The following HSPG2 variants were observed in gnomAD, a reference collection of about 807,000 sequenced individuals.
HSPG2 encodes basement membrane-specific heparan sulfate proteoglycan core protein.
Under a neutral mutation model 526.6 loss-of-function variants are expected in HSPG2, and 278 were observed. The ratio of observed to expected loss-of-function variants is 0.53; its 90% CI spans 0.48 to 0.58. HSPG2 has a LOEUF of 0.58. HSPG2 is among the 20% of genes least tolerant of loss of function. HSPG2 has a pLI of 0.00. For missense variants in HSPG2, 5,354 were observed against 6,099.5 expected (o/e 0.88, Z 4.07); for synonymous variants, 2,465 against 2,555.4 (o/e 0.96, Z 1.07).
intron 1 of HSPG2, among the ~76,000 whole-genome samples, chr1:21,935,015 T>C (rs1277197536): frequency 6.6e-6 from 1 of 152,122 alleles, no homozygotes; most frequent in African/African-American, 2.4e-5. Context: ...CAAGCGATTC[T>C]CCTGCCTCAG....
chr1:21,823,304 G>T lies in HSPG2; in HGVS notation c.*12C>A. Reference sequence around the variant, plus strand: ...GGCGTGGCCCGGGAGTCCGTGTGGGGCAGGCAGGTGCCTACGAGGGGCAGG... The same window carrying T: ...GGCGTGGCCCGGGAGTCCGTGTGGGTCAGGCAGGTGCCTACGAGGGGCAGG... On this transcript the variant is annotated 3_prime_UTR_variant, in exon 97 of 97. Coordinates refer to ENST00000374695, the MANE Select transcript of HSPG2 (RefSeq NM_005529.7). 1 of 1,519,960 alleles carries T rather than the reference G, an allele frequency of 6.6e-7. No individual in the cohort carries two copies. The highest frequency in any genetic ancestry group is 8.8e-7 in the Non-Finnish European group (1 of 1,134,082). The allele number at this position is 1,519,960 out of a possible 1,614,324, so 94.2% of individuals were successfully genotyped here.
At position 21,838,346 on chromosome 1, in the gene HSPG2, T is replaced by C. The variant is rs79803941; in HGVS notation, c.10150+479A>G. Reference sequence around the variant, plus strand: ...TTTGTATCATTGATGCAGGAGGCCATGGAAATGCTGGGCTCTCTGAAGATC... The same window carrying C: ...TTTGTATCATTGATGCAGGAGGCCACGGAAATGCTGGGCTCTCTGAAGATC... On this transcript the variant is annotated intron_variant, in intron 74 of 96. Transcript: ENST00000374695. 1.3e-4 allele frequency among the ~76,000 whole-genome samples: 20 copies of C among 152,268 alleles called. No homozygotes were observed. In the East Asian group the frequency reaches 3.9e-3, roughly 29 times the overall value.
intron 39 of HSPG2, among the ~76,000 whole-genome samples, chr1:21,860,941 C>T (rs371626675): frequency 2.0e-4 from 31 of 152,330 alleles, no homozygotes; most frequent in African/African-American, 7.5e-4. Context: ...GGAAGCATAT[C>T]AGGGCTGTGC....
chr1:21,851,983 C>T lies in HSPG2; in HGVS notation c.6871-57G>A, dbSNP rs1346714494. On this transcript the variant is annotated intron_variant, in intron 53 of 96. Transcript: ENST00000374695. ...GCTTCCCGGAGGCCAGCAAATGCCC[C>T]ACCGCTGTCCCCCCGATCTAGGAAG... 5.0e-6 allele frequency: 8 copies of T among 1,608,588 alleles called. No individual in the cohort carries two copies. In the East Asian group the frequency reaches 6.7e-5, roughly 13 times the overall value.
intron 1 of HSPG2, among the ~76,000 whole-genome samples, chr1:21,915,073 TGTTA>T (rs1199815477): frequency 8.1e-4 from 2 of 2,472 alleles, no homozygotes; most frequent in Non-Finnish European, 0.091. Flanking sequence ...GATTGGCCTT[TGTTA>T]CCTTTGTTAC....
chr1:21,857,482 T>C lies in HSPG2; in HGVS notation c.5294-97A>G, dbSNP rs913390133. The C allele has an allele frequency of 2.1e-5, 23 of 1,093,232 alleles. No individual in the cohort carries two copies. The East Asian group carries it at 5.2e-4, about 24-fold the overall frequency. The allele number at this position is 1,093,232 out of a possible 1,614,324, so 67.7% of individuals were successfully genotyped here. A position where few individuals can be genotyped will look rare whatever the true frequency, so the allele number is the denominator to read the frequency against. Reference sequence around the variant, plus strand: ...TCCATAACCTCTAGGCATCACTTCCTTCCTGGTCCAGCCTAGCTCTCATTC... The same window carrying C: ...TCCATAACCTCTAGGCATCACTTCCCTCCTGGTCCAGCCTAGCTCTCATTC... On this transcript the variant is annotated intron_variant, in intron 42 of 96. Coordinates refer to ENST00000374695, the MANE Select transcript of HSPG2 (RefSeq NM_005529.7).
Position 21,823,654 on chromosome 1 carries a change from G to A in HSPG2, c.12965C>T (p.Pro4322Leu), listed in dbSNP as rs1311842969. 6.2e-7 allele frequency: 1 copy of A among 1,613,710 alleles called. No individual in the cohort carries two copies. The highest frequency in any genetic ancestry group is 8.5e-7 in the Non-Finnish European group (1 of 1,179,988). ...GCCCTTGGCGTTGACTGCCACGTTGGGACCTGGGGACCGGCCGCTGACCAG... is the reference window on the plus strand; with the variant it reads ...GCCCTTGGCGTTGACTGCCACGTTGAGACCTGGGGACCGGCCGCTGACCAG... ...EELVSGRSPG[P>L]NVAVNAKGSV... Residue 4322 changes from proline (P) to leucine (L), a missense_variant, in exon 96 of 97, where the codon CCC becomes CTC. Transcript: ENST00000374695.
At chr1:21,930,106 C>G (rs1644309971) in intron 1 of HSPG2, among the ~76,000 whole-genome samples, 1 of 152,190 alleles carries the variant, frequency 6.6e-6, no homozygotes, top group Non-Finnish European at 1.5e-5. Context: ...TGCTCCCCCT[C>G]ACTGATGCTG....
At chr1:21,841,885 C>T in intron 69 of HSPG2, 117 bp downstream of exon 69, 1 of 1,446,622 alleles carries the variant, frequency 6.9e-7, no homozygotes, top group Admixed American at 1.7e-5. Context: ...GGGCCTTACT[C>T]AGGGCCACAC....
intron 38 of HSPG2, 33 bp from the exon 39 acceptor site, chr1:21,861,876 G>C (rs1198349565): frequency 6.2e-7 from 1 of 1,613,574 alleles, no homozygotes; most frequent in South Asian, 1.1e-5. Context: ...CAGGTCATGG[G>C]AAGCCCAATC....
intron 45 of HSPG2, 52 bp from the exon 46 acceptor site, chr1:21,855,727 C>G: frequency 6.2e-7 from 1 of 1,602,458 alleles, no homozygotes; most frequent in Non-Finnish European, 8.5e-7. Context: ...AGAGTCCTGC[C>G]CCTCCCCTCC....
At chr1:21,910,413 C>T (rs918682819) in intron 1 of HSPG2, among the ~76,000 whole-genome samples, 11 of 152,220 alleles carry the variant, frequency 7.2e-5, no homozygotes, top group African/African-American at 2.7e-4. Context: ...CTGTGCTCAG[C>T]AGCACTGCCT....
At chr1:21,849,930 G>A in intron 57 of HSPG2, 111 bp downstream of exon 57, 1 of 1,318,784 alleles carries the variant, frequency 7.6e-7, no homozygotes, top group Non-Finnish European at 1.1e-6. Flanking sequence ...TTCCTGCCTT[G>A]GCCTCCCAAA....
chr1:21,849,339 A>AC, intron 57 of HSPG2, among the ~76,000 whole-genome samples: 1 of 151,994 alleles, frequency 6.6e-6, no homozygotes, highest in East Asian at 1.9e-4. Flanking sequence ...CCTCACTCTG[A>AC]CCCCCAAGGC....
chr1:21,912,705 C>A (rs746699931), intron 1 of HSPG2, among the ~76,000 whole-genome samples: 2 of 152,102 alleles, frequency 1.3e-5, no homozygotes, highest in Admixed American at 1.3e-4. Flanking sequence ...TATTGCTGGG[C>A]GCAGTGGCTT....
At chr1:21,902,251 C>G (rs996917689) in intron 1 of HSPG2, among the ~76,000 whole-genome samples, 1 of 152,214 alleles carries the variant, frequency 6.6e-6, no homozygotes, top group Non-Finnish European at 1.5e-5. Flanking sequence ...CTCTGGCATG[C>G]TTGTGCTGCC....
At chr1:21,922,473 G>A (rs1251829563) in intron 1 of HSPG2, among the ~76,000 whole-genome samples, 1 of 152,198 alleles carries the variant, frequency 6.6e-6, no homozygotes, top group Non-Finnish European at 1.5e-5. Context: ...AAGTGTCCTG[G>A]GCTTAGAAAC....
intron 74 of HSPG2, among the ~76,000 whole-genome samples, chr1:21,838,135 C>CAAAA (rs35291473): frequency 3.5e-4 from 26 of 75,092 alleles, no homozygotes; most frequent in East Asian, 9.1e-4. Flanking sequence ...GATTCTGTCT[C>CAAAA]AAAAAAAAAA....
chr1:21,877,739 C>G (rs1043009535), intron 21 of HSPG2, among the ~76,000 whole-genome samples: 1 of 152,064 alleles, frequency 6.6e-6, no homozygotes, highest in African/African-American at 2.4e-5. Flanking sequence ...CTCAAGTGAT[C>G]CACCCACCTC....
Sources: gnomAD v4.1 joint callset for allele counts (sites outside exome capture counted in the v4.1 genomes callset) on GRCh38, gnomAD v4.1.1 for gene constraint, MANE v1.5 for transcripts, NCBI Gene and HGNC (gene_info 2026-07-23, HGNC 2026-07-21) for gene names.